LSAMP: variants seen among roughly 807,000 people sequenced by gnomAD.
LSAMP encodes the protein limbic system associated membrane protein.
LSAMP carries 7 observed loss-of-function variants against 38.6 expected under a neutral mutation model. The observed-to-expected ratio is 0.18, with a 90% confidence interval of 0.10 to 0.34. LSAMP has a LOEUF of 0.34. Ranked by LOEUF, LSAMP falls within the 10% of genes least tolerant of loss-of-function variation. LSAMP has a pLI of 1.00. For missense variants in LSAMP, 313 were observed against 420.0 expected (o/e 0.75, Z 2.23); for synonymous variants, 154 against 166.8 (o/e 0.92, Z 0.59).
At position 115,839,560 on chromosome 3, in the gene LSAMP, C is replaced by A. The variant is rs3772960; in HGVS notation, c.919+2285G>T. On this transcript the variant is annotated intron_variant, in intron 6 of 6. Transcript: ENST00000490035. Reference sequence around the variant, plus strand: ...ATAGTGCAATAGATTCACCAATATTCTGCAATTTGAATAGTTCCTTTTTGC... The same window carrying A: ...ATAGTGCAATAGATTCACCAATATTATGCAATTTGAATAGTTCCTTTTTGC... Among the ~76,000 whole-genome samples the A allele has an allele frequency of 2.0e-4, 31 of 152,240 alleles. No homozygotes were observed. The East Asian group carries it at 5.8e-3, about 28-fold the overall frequency.
At chr3:116,170,759 A>G (rs188721087) in intron 1 of LSAMP, among the ~76,000 whole-genome samples, 37 of 152,272 alleles carry the variant, frequency 2.4e-4, no homozygotes, top group African/African-American at 8.2e-4. Context: ...TTGGCTATAA[A>G]AGAAGAGAAC....
intron 3 of LSAMP, among the ~76,000 whole-genome samples, chr3:115,957,122 T>A (rs1338483605): frequency 6.6e-6 from 1 of 152,234 alleles, no homozygotes; most frequent in Non-Finnish European, 1.5e-5. Context: ...TCAAATTAAC[T>A]GAATAATTTA....
intron 1 of LSAMP, among the ~76,000 whole-genome samples, chr3:116,182,754 T>C (rs924738033): frequency 6.6e-6 from 1 of 151,894 alleles, no homozygotes; most frequent in Admixed American, 6.6e-5. Context: ...CTACAGAATC[T>C]GAATTTTAGG....
intron 1 of LSAMP, among the ~76,000 whole-genome samples, chr3:116,411,618 G>A (rs903617564): frequency 6.2e-4 from 71 of 115,010 alleles, no homozygotes; most frequent in African/African-American, 2.2e-3. Context: ...TCACTCTGGG[G>A]ACTGTTGTGG....
At chr3:115,995,595 GT>G (rs201641895) in intron 3 of LSAMP, among the ~76,000 whole-genome samples, 4,126 of 152,084 alleles carry the variant, frequency 0.027, 69 homozygotes, top group Non-Finnish European at 0.041. Flanking sequence ...CAGTTTTAGG[GT>G]TTTTTCCCCC....
chr3:116,050,722 C>T (rs1235272091), intron 2 of LSAMP, among the ~76,000 whole-genome samples: 1 of 152,178 alleles, frequency 6.6e-6, no homozygotes, highest in Non-Finnish European at 1.5e-5. Context: ...GTCAGCTTTG[C>T]TCTCTTTCCC....
chr3:116,273,368 C>G (rs565830966), intron 1 of LSAMP, among the ~76,000 whole-genome samples: 3 of 151,646 alleles, frequency 2.0e-5, no homozygotes, highest in Non-Finnish European at 4.4e-5. Flanking sequence ...TAATAGAAAA[C>G]TGAGAGAAGT....
chr3:116,152,480 G>A (rs759401880), intron 1 of LSAMP, among the ~76,000 whole-genome samples: 7 of 152,080 alleles, frequency 4.6e-5, no homozygotes, highest in Non-Finnish European at 1.0e-4. Flanking sequence ...ACACTGCACT[G>A]CCTCGGCCAC....
chr3:116,272,841 T>C (rs2046992599), intron 1 of LSAMP, among the ~76,000 whole-genome samples: 1 of 152,180 alleles, frequency 6.6e-6, no homozygotes, highest in Non-Finnish European at 1.5e-5. Context: ...GGTTTGCTAT[T>C]TGATTTAAAT....
intron 3 of LSAMP, among the ~76,000 whole-genome samples, chr3:116,001,463 T>A (rs1939991919): frequency 6.6e-6 from 1 of 152,228 alleles, no homozygotes; most frequent in African/African-American, 2.4e-5. Context: ...GAGGGGAAAC[T>A]GCTTGTGTTA....
At position 116,385,324 on chromosome 3, in the gene LSAMP, T is replaced by C. The variant is rs1408276338; in HGVS notation, c.155+59553A>G. ...TTAATTCTCAGCAAGCTTTAAAGTG[T>C]TATGATTCTATGAGACAACTTCTTA... On this transcript the variant is annotated intron_variant, in intron 1 of 6. Coordinates refer to ENST00000490035, the MANE Select transcript of LSAMP (RefSeq NM_002338.5). Among the ~76,000 whole-genome samples, 8 of 152,164 alleles carry C rather than the reference T, an allele frequency of 5.3e-5. 1 individual carries two copies. The highest frequency in any genetic ancestry group is 1.4e-4 in the African/African-American group (6 of 41,424).
rs148364139 is a variant in LSAMP at position 115,959,889 on chromosome 3, G to A, written c.514+59626C>T. On this transcript the variant is annotated intron_variant, in intron 3 of 6. Transcript: ENST00000490035. ...TTTAGGTAGAATGGCATGGGATTTC[G>A]ATGATCTGAATGTGAATGGCAGGCC... 3.1e-3 allele frequency among the ~76,000 whole-genome samples: 469 copies of A among 152,140 alleles called. 3 individuals are homozygous for A. The highest frequency in any genetic ancestry group is 0.011 in the African/African-American group (447 of 41,494).
chr3:116,231,231 G>T (rs1170975130), intron 1 of LSAMP, among the ~76,000 whole-genome samples: 1 of 152,130 alleles, frequency 6.6e-6, no homozygotes, highest in Non-Finnish European at 1.5e-5. Flanking sequence ...AACATTTGAT[G>T]CAGTGAAAGG....
Position 116,160,015 on chromosome 3 carries a change from G to A in LSAMP, c.156-73459C>T, listed in dbSNP as rs146748276. Among the ~76,000 whole-genome samples the A allele has an allele frequency of 2.8e-3, 423 of 152,298 alleles. 1 individual carries two copies. Among genetic ancestry groups the A allele is most frequent in the African/African-American group, 9.7e-3 (402 of 41,554 alleles). On this transcript the variant is annotated intron_variant, in intron 1 of 6. Coordinates refer to ENST00000490035, the MANE Select transcript of LSAMP (RefSeq NM_002338.5). The stretch of plus-strand genomic sequence containing the variant: ...ACTGCATGTTCTCACTTACAAGTGG[G>A]AGCTAAACAATGAGTACACATGGAC...
At chr3:115,813,743 C>T (rs567019312) in intron 6 of LSAMP, among the ~76,000 whole-genome samples, 2 of 152,246 alleles carry the variant, frequency 1.3e-5, no homozygotes, top group South Asian at 2.1e-4. Context: ...GAGACTACTT[C>T]AGTTAATGGC....
chr3:116,119,380 T>C (rs144098636), intron 1 of LSAMP, among the ~76,000 whole-genome samples: 1,526 of 152,228 alleles, frequency 0.01, 20 homozygotes, highest in African/African-American at 0.033. Context: ...TGTATATGTA[T>C]GTTTACATCA....
chr3:116,012,394 GA>G lies in LSAMP; in HGVS notation c.514+7120del, dbSNP rs551733117. 2.6e-5 allele frequency among the ~76,000 whole-genome samples: 4 copies of G among 151,820 alleles called. No homozygotes were observed. The South Asian group carries it at 6.2e-4, about 24-fold the overall frequency. On this transcript the variant is annotated intron_variant, in intron 3 of 6. Transcript: ENST00000490035. ...AATCATCTCTTGAAACACCAGTTTT[GA>G]AAAAAATAACAAGGGTTGTAATTCA...
intron 3 of LSAMP, among the ~76,000 whole-genome samples, chr3:115,875,375 C>T (rs12488542): frequency 0.15 from 23,243 of 152,028 alleles, 2,098 homozygotes; most frequent in Admixed American, 0.26. Flanking sequence ...TGATAAGTGG[C>T]TGCTGCATTT....
At chr3:116,248,654 G>A (rs2046635067) in intron 1 of LSAMP, among the ~76,000 whole-genome samples, 1 of 152,018 alleles carries the variant, frequency 6.6e-6, no homozygotes, top group South Asian at 2.1e-4. Flanking sequence ...GGGCCAACGT[G>A]CTTAATTTCC....
Sources: allele counts gnomAD v4.1 joint callset (sites outside exome capture counted in the v4.1 genomes callset), GRCh38; gene constraint gnomAD v4.1.1; transcripts MANE v1.5; gene names NCBI Gene and HGNC (gene_info 2026-07-23, HGNC 2026-07-21).